The following TDRD3 variants were observed in gnomAD, a reference collection of about 807,000 sequenced individuals.
TDRD3 encodes tudor domain containing 3, also known as tudor domain-containing protein 3.
A neutral mutation model predicts 86.7 loss-of-function variants in TDRD3; 45 were observed. The ratio of observed to expected loss-of-function variants is 0.52; its 90% CI spans 0.41 to 0.67. TDRD3 has a LOEUF of 0.67. TDRD3 is among the 30% of genes least tolerant of loss of function. The pLI is 0.00. For missense variants in TDRD3, 814 were observed against 889.0 expected (o/e 0.92, Z 1.07); for synonymous variants, 298 against 301.7 (o/e 0.99, Z 0.13).
chr13:60,557,206 CA>C (rs138618410), intron 12 of TDRD3, among the ~76,000 whole-genome samples: 9 of 117,772 alleles, frequency 7.6e-5, no homozygotes, highest in Non-Finnish European at 6.6e-5. Flanking sequence ...AACTCTGTCT[CA>C]AAAAAAAAAA....
At chr13:60,495,684 C>T (rs1337991036) in intron 8 of TDRD3, among the ~76,000 whole-genome samples, 4 of 152,080 alleles carry the variant, frequency 2.6e-5, no homozygotes, top group African/African-American at 9.7e-5. Flanking sequence ...AAACTGGTCT[C>T]GAACTCCTGA....
At chr13:60,450,604 A>G (rs1252685811) in intron 3 of TDRD3, among the ~76,000 whole-genome samples, 5 of 152,186 alleles carry the variant, frequency 3.3e-5, no homozygotes, top group Non-Finnish European at 7.4e-5. Context: ...AGGAAGTGCT[A>G]AGTAAATTAT....
intron 1 of TDRD3, among the ~76,000 whole-genome samples, chr13:60,404,233 A>C (rs1954174496): frequency 6.9e-6 from 1 of 144,240 alleles, no homozygotes; most frequent in African/African-American, 2.4e-5. Context: ...ATATTTGGCT[A>C]AGGAAAAAAC....
chr13:60,436,981 A>G (rs997628161), intron 1 of TDRD3, among the ~76,000 whole-genome samples: 10 of 150,166 alleles, frequency 6.7e-5, no homozygotes, highest in East Asian at 1.9e-4. Context: ...GAGCTCACCA[A>G]TTGAATTTGT....
At chr13:60,472,714 C>A (rs1016052753) in intron 5 of TDRD3, among the ~76,000 whole-genome samples, 1 of 152,112 alleles carries the variant, frequency 6.6e-6, no homozygotes, top group Non-Finnish European at 1.5e-5. Context: ...TATTTGTGTA[C>A]CCTTGTTTAC....
intron 12 of TDRD3, among the ~76,000 whole-genome samples, chr13:60,553,011 A>G (rs1336945795): frequency 1.3e-5 from 2 of 152,178 alleles, no homozygotes; most frequent in Non-Finnish European, 2.9e-5. Context: ...GATCTCTGAA[A>G]TGCCCTAGAG....
chr13:60,395,603 A>G (rs1174281482), upstream of TDRD3, among the ~76,000 whole-genome samples: 1 of 152,250 alleles, frequency 6.6e-6, no homozygotes, highest in Non-Finnish European at 1.5e-5. Flanking sequence ...GTGAGAACAA[A>G]TGACTTTATA....
At chr13:60,411,172 C>G (rs1336776628) in intron 1 of TDRD3, among the ~76,000 whole-genome samples, 1 of 152,130 alleles carries the variant, frequency 6.6e-6, no homozygotes, top group Non-Finnish European at 1.5e-5. Context: ...ACTTAGTTAG[C>G]TATGATAGTT....
intron 12 of TDRD3, among the ~76,000 whole-genome samples, chr13:60,563,232 TAA>T (rs36139602): frequency 5.3e-4 from 72 of 135,010 alleles, no homozygotes; most frequent in African/African-American, 1.6e-3. Flanking sequence ...CATATCAATT[TAA>T]AAAAAAAAAA....
rs905360302 is a variant in TDRD3, at chr13:60,397,244, C to A, written c.-121C>A. ...CACTGAGCATGCCCAGTTGCAGAGC[C>A]GACCAGAGGAGTTTTTTCTTTTCTT... is the stretch of plus-strand genomic sequence containing the variant. On this transcript the variant is annotated 5_prime_UTR_variant, in exon 1 of 14. Transcript: ENST00000377881. 11 of 544,644 alleles carry A rather than the reference C, an allele frequency of 2.0e-5. No homozygotes were observed. The highest frequency in any genetic ancestry group is 2.9e-5 in the Non-Finnish European group (10 of 342,680). 33.7% of individuals were successfully genotyped at this position (544,644 alleles called of 1,614,324 possible).
In TDRD3 at chr13:60,565,041, C is replaced by CTTTTTT. The variant is rs869194148; in HGVS notation, c.2119-2457_2119-2452dup. On this transcript the variant is annotated intron_variant, in intron 12 of 13. Coordinates refer to ENST00000377881, the MANE Select transcript of TDRD3 (RefSeq NM_001146070.2). ...GAACTGAAAACCAAACTATCAGTAT[C>CTTTTTT]TTTTTTTTTTTTTTTTTTTTTTTTT... 3.6e-3 allele frequency among the ~76,000 whole-genome samples: 258 copies of CTTTTTT among 70,880 alleles called. 34 individuals carry two copies. Among genetic ancestry groups the CTTTTTT allele is most frequent in the African/African-American group, 0.01 (168 of 16,184 alleles). The allele number at this position is 70,880 out of a possible 152,430, so 46.5% of individuals were successfully genotyped here.
chr13:60,443,398 A>G (rs1359634549), intron 2 of TDRD3, among the ~76,000 whole-genome samples: 3 of 152,066 alleles, frequency 2.0e-5, no homozygotes, highest in Admixed American at 2.0e-4. Flanking sequence ...GCATTGTTAC[A>G]CATGAGTCTG....
intron 11 of TDRD3, among the ~76,000 whole-genome samples, chr13:60,532,062 C>G (rs1957594923): frequency 6.6e-6 from 1 of 152,042 alleles, no homozygotes; most frequent in African/African-American, 2.4e-5. Context: ...TAATAAAGGT[C>G]TAATGTTAAT....
intron 12 of TDRD3, among the ~76,000 whole-genome samples, chr13:60,550,859 A>G (rs1958033458): frequency 6.6e-6 from 1 of 152,164 alleles, no homozygotes; most frequent in South Asian, 2.1e-4. Flanking sequence ...TTATTGAACT[A>G]TTGAACACTC....
At chr13:60,475,736 T>C (rs1219341697) in intron 5 of TDRD3, among the ~76,000 whole-genome samples, 1 of 152,190 alleles carries the variant, frequency 6.6e-6, no homozygotes, top group Non-Finnish European at 1.5e-5. Flanking sequence ...ATAATAGCCA[T>C]TCTGTTATGA....
At chr13:60,502,390 A>T (rs1956853236) in intron 8 of TDRD3, among the ~76,000 whole-genome samples, 1 of 152,230 alleles carries the variant, frequency 6.6e-6, no homozygotes, top group South Asian at 2.1e-4. Context: ...TAAGCTTTGG[A>T]TCATAATTTT....
chr13:60,431,527 A>G (rs1489933488), intron 1 of TDRD3, among the ~76,000 whole-genome samples: 2 of 151,828 alleles, frequency 1.3e-5, no homozygotes, highest in African/African-American at 4.8e-5. Context: ...TGAAATACTG[A>G]TATTTGACCA....
chr13:60,507,304 A>G (rs1381892055), intron 8 of TDRD3, among the ~76,000 whole-genome samples: 1 of 152,174 alleles, frequency 6.6e-6, no homozygotes, highest in Non-Finnish European at 1.5e-5. Context: ...GAAAATTAAC[A>G]AGGATATTCA....
chr13:60,424,749 A>G (rs952667559), intron 1 of TDRD3, among the ~76,000 whole-genome samples: 8 of 152,220 alleles, frequency 5.3e-5, no homozygotes, highest in African/African-American at 1.4e-4. Context: ...AATCATCACT[A>G]CTATCTAATT....
Sources: gnomAD v4.1 joint callset for allele counts (sites outside exome capture counted in the v4.1 genomes callset) on GRCh38, gnomAD v4.1.1 for gene constraint, MANE v1.5 for transcripts, NCBI Gene and HGNC (gene_info 2026-07-23, HGNC 2026-07-21) for gene names.